The following LARGE1 variants were observed in gnomAD, a reference collection of about 807,000 sequenced individuals.
The protein encoded by LARGE1 is xylosyl- and glucuronyltransferase LARGE1.
Under a neutral mutation model 87.6 loss-of-function variants are expected in LARGE1, and 43 were observed. That is an observed-to-expected ratio of 0.49 (90% CI 0.38 to 0.63). The LOEUF (loss-of-function observed/expected upper bound fraction) is 0.63, where lower values mean the gene tolerates loss of function less well. Among genes scored for constraint, LARGE1 ranks in the 30% least tolerant of loss-of-function variants. LARGE1 has a pLI of 0.00. For missense variants in LARGE1, 802 were observed against 1,000.2 expected (o/e 0.80, Z 2.67); for synonymous variants, 434 against 394.6 (o/e 1.10, Z -1.18).
chr22:33,459,395 C>T (rs1601935221), intron 6 of LARGE1, among the ~76,000 whole-genome samples: 1 of 150,694 alleles, frequency 6.6e-6, no homozygotes, highest in East Asian at 2.0e-4. Context: ...AAGTCTTTTA[C>T]AGGGCAGTGA....
intron 6 of LARGE1, among the ~76,000 whole-genome samples, chr22:33,459,927 C>A (rs1177862088): frequency 6.6e-6 from 1 of 152,178 alleles, no homozygotes; most frequent in East Asian, 1.9e-4. Context: ...TGGCTCTGAG[C>A]CTAGGCAATG....
intron 6 of LARGE1, among the ~76,000 whole-genome samples, chr22:33,459,960 G>C (rs1400590376): frequency 6.6e-6 from 1 of 152,250 alleles, no homozygotes; most frequent in Non-Finnish European, 1.5e-5. Flanking sequence ...GATGGGCACT[G>C]ATAAGTGCTA....
intron 5 of LARGE1, among the ~76,000 whole-genome samples, chr22:33,586,108 T>C (rs2078665167): frequency 6.6e-6 from 1 of 152,236 alleles, no homozygotes; most frequent in South Asian, 2.1e-4. Context: ...AAGGTCCCAG[T>C]TCCTTCAGGA....
At chr22:33,421,198 AAAAAT>A (rs537251151) in intron 7 of LARGE1, among the ~76,000 whole-genome samples, 7,828 of 147,406 alleles carry the variant, frequency 0.053, 224 homozygotes, top group African/African-American at 0.094. Flanking sequence ...TCAAAAAATA[AAAAAT>A]AAAATAAAAT....
chr22:33,872,533 G>A (rs898745938), intron 1 of LARGE1, among the ~76,000 whole-genome samples: 3 of 151,856 alleles, frequency 2.0e-5, no homozygotes, highest in African/African-American at 7.3e-5. Flanking sequence ...CCCCCCCAGC[G>A]ACACACTAGC....
At chr22:33,792,893 G>T (rs2085866854) in intron 1 of LARGE1, among the ~76,000 whole-genome samples, 1 of 152,176 alleles carries the variant, frequency 6.6e-6, no homozygotes, top group Non-Finnish European at 1.5e-5. Context: ...GAAAAAGAAA[G>T]GAGAAGGTGG....
chr22:33,722,691 C>G (rs2083144979), intron 2 of LARGE1, among the ~76,000 whole-genome samples: 3 of 151,934 alleles, frequency 2.0e-5, no homozygotes, highest in Admixed American at 2.0e-4. Flanking sequence ...ATGGCAAGAC[C>G]AAAGACAGAA....
At chr22:33,622,837 C>G (rs1217173023) in intron 4 of LARGE1, among the ~76,000 whole-genome samples, 3 of 152,212 alleles carry the variant, frequency 2.0e-5, no homozygotes, top group Admixed American at 2.0e-4. Flanking sequence ...TTGCTTTCTT[C>G]TCAAGTCCTC....
intron 4 of LARGE1, among the ~76,000 whole-genome samples, chr22:33,619,678 C>T (rs942861856): frequency 6.6e-6 from 1 of 152,110 alleles, no homozygotes; most frequent in East Asian, 1.9e-4. Context: ...CTCTGCCCAT[C>T]TTCTCACTGA....
intron 11 of LARGE1, among the ~76,000 whole-genome samples, chr22:33,167,956 C>T (rs1922362245): frequency 1.3e-5 from 2 of 152,230 alleles, no homozygotes; most frequent in African/African-American, 4.8e-5. Flanking sequence ...TCCACCCACC[C>T]TCCTGCAAAT....
intron 1 of LARGE1, among the ~76,000 whole-genome samples, chr22:33,791,702 A>T (rs1333210606): frequency 6.6e-6 from 1 of 152,186 alleles, no homozygotes; most frequent in Non-Finnish European, 1.5e-5. Flanking sequence ...TATAGAAATC[A>T]TTATAGACTT....
chr22:33,840,098 A>G (rs746900810), intron 1 of LARGE1, among the ~76,000 whole-genome samples: 1 of 152,218 alleles, frequency 6.6e-6, no homozygotes, highest in Non-Finnish European at 1.5e-5. Flanking sequence ...AACACAGGAA[A>G]ATGAATACGC....
intron 6 of LARGE1, among the ~76,000 whole-genome samples, chr22:33,464,680 G>C (rs1416916994): frequency 6.6e-6 from 1 of 152,170 alleles, no homozygotes; most frequent in African/African-American, 2.4e-5. Context: ...GATTGGAAAA[G>C]ATCGTAAAAT....
the LARGE1 span, among the ~76,000 whole-genome samples, chr22:33,078,539 A>C: frequency 6.6e-6 from 1 of 152,244 alleles, no homozygotes; most frequent in Non-Finnish European, 1.5e-5. Context: ...GTCCATGGTC[A>C]TACCAGTTAG....
chr22:33,460,992 G>A (rs184359235), intron 6 of LARGE1, among the ~76,000 whole-genome samples: 4 of 148,212 alleles, frequency 2.7e-5, no homozygotes, highest in Admixed American at 2.1e-4. Context: ...ATCCTATCTA[G>A]AGGACTGTAT....
intron 11 of LARGE1, among the ~76,000 whole-genome samples, chr22:33,311,111 C>T (rs1019136903): frequency 6.6e-6 from 1 of 152,134 alleles, no homozygotes; most frequent in Non-Finnish European, 1.5e-5. Context: ...CAGGCGCCCG[C>T]CACCATGCCA....
chr22:33,298,257 A>T (rs1933627748), intron 12 of LARGE1, among the ~76,000 whole-genome samples: 1 of 152,166 alleles, frequency 6.6e-6, no homozygotes, highest in African/African-American at 2.4e-5. Flanking sequence ...AGCTGCAATG[A>T]CCACCAGGCT....
chr22:33,888,794 T>C (rs1001883010), intron 1 of LARGE1, among the ~76,000 whole-genome samples: 2 of 151,840 alleles, frequency 1.3e-5, no homozygotes, highest in East Asian at 3.9e-4. Context: ...GAGGCAGAGG[T>C]TGCAGAGAGC....
At position 33,497,066 on chromosome 22, in the gene LARGE1, CTTTTCT is replaced by C. The variant is rs1356216291; in HGVS notation, c.788-64807_788-64802del. On this transcript the variant is annotated intron_variant, in intron 6 of 14. Coordinates refer to ENST00000397394, the MANE Select transcript of LARGE1 (RefSeq NM_133642.5). ...GAAACTAGTTCTGCTATTTTCTTTTCTTTTCTTTTTTTTTTTTTTTTCTTGGAGACG... is the reference window on the plus strand; with the variant it reads ...GAAACTAGTTCTGCTATTTTCTTTTCTTTTTTTTTTTTTTTCTTGGAGACG... Among the ~76,000 whole-genome samples, 503 of 134,592 alleles carry C rather than the reference CTTTTCT, an allele frequency of 3.7e-3. 5 individuals are homozygous for C. The highest frequency in any genetic ancestry group is 0.023 in the South Asian group (101 of 4,366). 88.3% of individuals were successfully genotyped at this position (134,592 alleles called of 152,430 possible).
Sources: allele counts gnomAD v4.1 joint callset (sites outside exome capture counted in the v4.1 genomes callset), GRCh38; gene constraint gnomAD v4.1.1; transcripts MANE v1.5; gene names NCBI Gene and HGNC (gene_info 2026-07-23, HGNC 2026-07-21).